BNC2: variants seen among roughly 807,000 people sequenced by gnomAD.
BNC2 encodes the protein zinc finger protein basonuclin-2.
BNC2 carries 20 observed loss-of-function variants against 76.3 expected under a neutral mutation model. The ratio of observed to expected loss-of-function variants is 0.26; its 90% confidence interval spans 0.18 to 0.38. The LOEUF (loss-of-function observed/expected upper bound fraction) is 0.38, where lower values mean the gene tolerates loss of function less well. BNC2 is among the 10% of genes least tolerant of loss of function. The pLI, the probability that BNC2 is intolerant of heterozygous loss-of-function variation, is 1.00. For synonymous variants in BNC2, 582 were observed against 514.8 expected (o/e 1.13, Z -1.77); for missense variants, 1,382 against 1,399.8 (o/e 0.99, Z 0.20).
chr9:16,483,658 T>C lies in BNC2; in HGVS notation c.670-46134A>G, dbSNP rs79157465. Among the ~76,000 whole-genome samples, 1,225 of 152,312 alleles carry C rather than the reference T, an allele frequency of 8.0e-3. 26 individuals are homozygous for C. Among genetic ancestry groups the C allele is most frequent in the African/African-American group, 0.028 (1,144 of 41,572 alleles). On this transcript the variant is annotated intron_variant, in intron 5 of 6. Coordinates refer to ENST00000380672, the MANE Select transcript of BNC2 (RefSeq NM_017637.6). ...GCAGGATCAAGAACTTTGAAAAGCA[T>C]CTGCTTTAACTCAAATCCAAGCAAA...
At chr9:16,716,609 T>C (rs969301216) in intron 3 of BNC2, among the ~76,000 whole-genome samples, 1 of 152,192 alleles carries the variant, frequency 6.6e-6, no homozygotes, top group Non-Finnish European at 1.5e-5. Context: ...GGCCTTCTCA[T>C]TTCATCCAAC....
rs903018153 is a variant in BNC2, at chr9:16,409,887, G to A, written c.*9102C>T. 6.6e-6 allele frequency: 1 copy of A among 152,542 alleles called. No individual in the cohort carries two copies. Among genetic ancestry groups the A allele is most frequent in the African/African-American group, 2.4e-5 (1 of 41,428 alleles). The allele number at this position is 152,542 out of a possible 1,614,324, so 9.4% of individuals were successfully genotyped here. A position where few individuals can be genotyped will look rare whatever the true frequency, so the allele number is the denominator to read the frequency against. On this transcript the variant is annotated 3_prime_UTR_variant, in exon 7 of 7. Coordinates refer to ENST00000380672, the MANE Select transcript of BNC2 (RefSeq NM_017637.6). Reference sequence around the variant, plus strand: ...ACTTTGATTCTGCGGCAGGCTTATTGCAAGAGACTGGTTTTATGCAGATGA... The same window carrying A: ...ACTTTGATTCTGCGGCAGGCTTATTACAAGAGACTGGTTTTATGCAGATGA...
At chr9:16,596,804 T>C (rs1042319174) in intron 3 of BNC2, among the ~76,000 whole-genome samples, 8 of 152,234 alleles carry the variant, frequency 5.3e-5, no homozygotes, top group Non-Finnish European at 8.8e-5. Flanking sequence ...TGCTAGGTGA[T>C]TGTGGTTGTA....
chr9:16,821,209 G>C (rs1398983127), intron 1 of BNC2, among the ~76,000 whole-genome samples: 5 of 150,142 alleles, frequency 3.3e-5, no homozygotes, highest in Non-Finnish European at 3.0e-5. Context: ...ATACGGCCTG[G>C]GCAACAAGAA....
chr9:16,719,674 T>C (rs1587350131), intron 3 of BNC2, among the ~76,000 whole-genome samples: 1 of 152,240 alleles, frequency 6.6e-6, no homozygotes, highest in Non-Finnish European at 1.5e-5. Flanking sequence ...ACAATCTGTA[T>C]GCCTTGTGAG....
chr9:16,477,953 A>C (rs191127037), intron 5 of BNC2, among the ~76,000 whole-genome samples: 11 of 152,098 alleles, frequency 7.2e-5, no homozygotes, highest in African/African-American at 2.7e-4. Flanking sequence ...TTAGGAACTA[A>C]AATTTCTCCT....
At chr9:16,449,835 G>C (rs565484054) in intron 5 of BNC2, among the ~76,000 whole-genome samples, 1 of 131,028 alleles carries the variant, frequency 7.6e-6, no homozygotes, top group Admixed American at 7.3e-5. Context: ...AAAGTTAAAG[G>C]TGGGGCGGGG....
chr9:16,818,904 C>G (rs953690355), intron 1 of BNC2, among the ~76,000 whole-genome samples: 1 of 152,132 alleles, frequency 6.6e-6, no homozygotes, highest in African/African-American at 2.4e-5. Flanking sequence ...CTAGAGAATA[C>G]TGCAGATCTC....
chr9:16,419,095 C>G lies in BNC2; in HGVS notation c.3194G>C (p.Cys1065Ser). Reference sequence around the variant, plus strand: ...CATCATATTGCAACCTGGGACTTTGCACTTGTGCATTTCTCTCAAATGCAC... The same window carrying G: ...CATCATATTGCAACCTGGGACTTTGGACTTGTGCATTTCTCTCAAATGCAC... Reference protein sequence around the residue: ...KTVHLREMHKCKVPGCNMMFS... With the variant: ...KTVHLREMHKSKVPGCNMMFS... Residue 1065 changes from cysteine to serine, a missense_variant, in exon 7 of 7, where the codon TGC becomes TCC. Cys to Ser is a moderately radical substitution (Grantham distance 112). This residue lies in a region of BNC2 where 798 missense variants were observed against 775.5 expected (regional missense o/e 1.03). Coordinates refer to ENST00000380672, the MANE Select transcript of BNC2 (RefSeq NM_017637.6). 1 of 1,614,214 alleles carries G rather than the reference C, an allele frequency of 6.2e-7. No homozygotes were observed. The highest frequency in any genetic ancestry group is 8.5e-7 in the Non-Finnish European group (1 of 1,180,044).
intron 1 of BNC2, chr9:16,832,239 A>C: frequency 8.0e-7 from 1 of 1,255,748 alleles, no homozygotes; most frequent in Non-Finnish European, 1.0e-6. Flanking sequence ...CATGTAGTTA[A>C]ATACCAGTAG....
chr9:16,618,836 C>T (rs956542198), intron 3 of BNC2, among the ~76,000 whole-genome samples: 5 of 152,142 alleles, frequency 3.3e-5, no homozygotes, highest in African/African-American at 1.2e-4. Flanking sequence ...ACAACAGTTG[C>T]AGCTCAAACA....
At chr9:16,599,739 C>T (rs570512342) in intron 3 of BNC2, among the ~76,000 whole-genome samples, 5 of 152,168 alleles carry the variant, frequency 3.3e-5, no homozygotes, top group Non-Finnish European at 7.3e-5. Context: ...ACCGAGATCA[C>T]GCCACTGCAC....
At chr9:16,663,791 G>C (rs1487964592) in intron 3 of BNC2, among the ~76,000 whole-genome samples, 1 of 151,922 alleles carries the variant, frequency 6.6e-6, no homozygotes, top group Non-Finnish European at 1.5e-5. Flanking sequence ...TACTTAATAA[G>C]AAAGAAAAAA....
intron 5 of BNC2, among the ~76,000 whole-genome samples, chr9:16,544,215 C>T (rs918455728): frequency 5.9e-5 from 9 of 152,122 alleles, no homozygotes; most frequent in Non-Finnish European, 1.2e-4. Flanking sequence ...GATCTCCTAT[C>T]TCAATATATA....
chr9:16,756,647 T>G (rs1825390888), intron 1 of BNC2, among the ~76,000 whole-genome samples: 1 of 152,206 alleles, frequency 6.6e-6, no homozygotes, highest in African/African-American at 2.4e-5. Flanking sequence ...AAAGCTTTTT[T>G]CTTTCCTCAT....
intron 3 of BNC2, among the ~76,000 whole-genome samples, chr9:16,598,655 C>G (rs541739497): frequency 5.9e-5 from 9 of 152,272 alleles, no homozygotes; most frequent in Admixed American, 2.0e-4. Flanking sequence ...ACATTCTAAC[C>G]TTAGATCTCC....
intron 5 of BNC2, among the ~76,000 whole-genome samples, chr9:16,522,257 T>C (rs1242444708): frequency 3.3e-5 from 5 of 152,190 alleles, no homozygotes; most frequent in Admixed American, 1.3e-4. Context: ...AGAGGAAGCA[T>C]AATGTTCTAC....
intron 1 of BNC2, among the ~76,000 whole-genome samples, chr9:16,751,656 A>ATATG (rs1368349872): frequency 6.2e-5 from 4 of 64,574 alleles, no homozygotes; most frequent in Admixed American, 1.9e-4. Context: ...GTGTGTATAT[A>ATATG]TATATGTATG....
chr9:16,794,120 G>A (rs551338762), intron 1 of BNC2, among the ~76,000 whole-genome samples: 1 of 152,200 alleles, frequency 6.6e-6, no homozygotes, highest in East Asian at 1.9e-4. Flanking sequence ...TCAGTGACAT[G>A]GCTCTGCCTT....
Sources: gnomAD v4.1 joint callset for allele counts (sites outside exome capture counted in the v4.1 genomes callset) on GRCh38, gnomAD v4.1.1 for gene constraint, gnomAD v4.1.1 regional missense constraint, MANE v1.5 for transcripts, NCBI Gene and HGNC (gene_info 2026-07-23, HGNC 2026-07-21) for gene names.